FNIP2: variants seen among roughly 807,000 people sequenced by gnomAD.
FNIP2 encodes folliculin interacting protein 2.
In FNIP2, 32 loss-of-function variants were observed where a neutral mutation model predicts 108.7. The ratio of observed to expected loss-of-function variants is 0.29; its 90% CI spans 0.22 to 0.40. FNIP2 has a LOEUF of 0.40. FNIP2 is among the 10% of genes least tolerant of loss of function. The probability of loss-of-function intolerance (pLI) is 1.00; values close to 1 mark genes in which losing one functional copy is unlikely to be tolerated. For synonymous variants in FNIP2, 480 were observed against 496.7 expected (o/e 0.97, Z 0.45); for missense variants, 1,202 against 1,381.6 (o/e 0.87, Z 2.06).
At chr4:158,797,183 A>G (rs921905819) in intron 1 of FNIP2, among the ~76,000 whole-genome samples, 1 of 152,148 alleles carries the variant, frequency 6.6e-6, no homozygotes, top group African/African-American at 2.4e-5. Context: ...TGCATGAGAA[A>G]CCTTTAATTA....
chr4:158,806,252 G>GC, intron 1 of FNIP2: 1 of 1,289,370 alleles, frequency 7.8e-7, no homozygotes, highest in Non-Finnish European at 1.0e-6. Context: ...CAGGAGATGT[G>GC]CGGCGGCACA....
intron 7 of FNIP2, among the ~76,000 whole-genome samples, chr4:158,849,912 A>C (rs1214630050): frequency 6.6e-6 from 1 of 152,226 alleles, no homozygotes; most frequent in Non-Finnish European, 1.5e-5. Context: ...CCTACCAAAC[A>C]AATTTTCTGT....
At chr4:158,869,882 C>G (rs1780835988) in intron 13 of FNIP2, among the ~76,000 whole-genome samples, 1 of 152,232 alleles carries the variant, frequency 6.6e-6, no homozygotes, top group South Asian at 2.1e-4. Flanking sequence ...TTTCTTAACA[C>G]TCCATCAGGT....
chr4:158,836,562 G>A (rs976796679), intron 7 of FNIP2: 6 of 151,540 alleles, frequency 4.0e-5, no homozygotes, highest in African/African-American at 1.5e-4. Context: ...AGCACTTTGG[G>A]AAGCCAAAGC....
intron 14 of FNIP2, among the ~76,000 whole-genome samples, chr4:158,885,231 CA>C: frequency 6.6e-6 from 1 of 152,102 alleles, no homozygotes; most frequent in Non-Finnish European, 1.5e-5. Context: ...CCCCATGATC[CA>C]AACTCCTCCT....
chr4:158,811,549 T>TA (rs55896509), intron 1 of FNIP2, among the ~76,000 whole-genome samples: 1 of 151,288 alleles, frequency 6.6e-6, no homozygotes, highest in Non-Finnish European at 1.5e-5. Context: ...TTTTAAATAA[T>TA]ATTAATTAAT....
At chr4:158,889,806 T>G in intron 14 of FNIP2, 2 of 106,104 alleles carry the variant, frequency 1.9e-5, no homozygotes, top group Non-Finnish European at 3.6e-5. Flanking sequence ...TCAAATTTCC[T>G]TTTTTTTTTT....
intron 3 of FNIP2, among the ~76,000 whole-genome samples, chr4:158,829,620 A>G (rs1451435375): frequency 2.0e-5 from 3 of 152,182 alleles, no homozygotes; most frequent in Non-Finnish European, 4.4e-5. Flanking sequence ...AAAAGGAAGA[A>G]AGCCTTGTAT....
At chr4:158,831,826 A>G (rs1279747602) in intron 3 of FNIP2, 35 bp from the exon 4 acceptor site, 5 of 1,349,594 alleles carry the variant, frequency 3.7e-6, no homozygotes, top group Non-Finnish European at 4.2e-6. Context: ...GTCATGTTCC[A>G]TGTACTAACT....
chr4:158,841,008 C>T (rs1488467944), intron 7 of FNIP2, among the ~76,000 whole-genome samples: 1 of 152,090 alleles, frequency 6.6e-6, no homozygotes, highest in East Asian at 1.9e-4. Context: ...TCATAGTGTT[C>T]AAATAAGACA....
rs550907151 is a variant in FNIP2 at position 158,778,534 on chromosome 4, G to C, written c.107+9215G>C. On this transcript the variant is annotated intron_variant, in intron 1 of 16. Transcript: ENST00000264433. ...CTCACATCATCTCAAGGAGAAGGAGGGTGACTATAGTATGATGAGATATTT... is the reference window on the plus strand; with the variant it reads ...CTCACATCATCTCAAGGAGAAGGAGCGTGACTATAGTATGATGAGATATTT... Among the ~76,000 whole-genome samples, 12 of 152,220 alleles carry C rather than the reference G, an allele frequency of 7.9e-5. No individual in the cohort carries two copies. In the South Asian group the frequency reaches 2.5e-3, roughly 32 times the overall value.
intron 1 of FNIP2, among the ~76,000 whole-genome samples, chr4:158,813,234 TGTAAG>T (rs1777380036): frequency 6.6e-6 from 1 of 152,174 alleles, no homozygotes; most frequent in Admixed American, 6.5e-5. Context: ...TTTGCTGGAT[TGTAAG>T]GTAAGAGTAT....
chr4:158,901,587 C>T (rs1322489675), intron 16 of FNIP2, among the ~76,000 whole-genome samples: 1 of 152,110 alleles, frequency 6.6e-6, no homozygotes, highest in African/African-American at 2.4e-5. Context: ...GTGTGTTTTC[C>T]AACTTGGTTC....
At chr4:158,781,647 T>G (rs533551542) in intron 1 of FNIP2, among the ~76,000 whole-genome samples, 4 of 152,156 alleles carry the variant, frequency 2.6e-5, no homozygotes, top group Admixed American at 2.6e-4. Context: ...CCTGAGTAGC[T>G]GGGACTACAG....
chr4:158,891,343 G>A, intron 14 of FNIP2, 103 bp from the exon 15 acceptor site: 3 of 1,071,780 alleles, frequency 2.8e-6, no homozygotes, highest in Non-Finnish European at 4.0e-6. Flanking sequence ...TAACTGCCTG[G>A]CTGTCAAGAA....
intron 1 of FNIP2, among the ~76,000 whole-genome samples, chr4:158,799,692 C>G (rs540980103): frequency 6.6e-6 from 1 of 152,284 alleles, no homozygotes; most frequent in Admixed American, 6.5e-5. Context: ...CAAAGTTAAA[C>G]TTTAAAAGTT....
At chr4:158,782,527 T>G (rs1280480450) in intron 1 of FNIP2, among the ~76,000 whole-genome samples, 9 of 151,384 alleles carry the variant, frequency 5.9e-5, no homozygotes, top group Admixed American at 5.3e-4. Flanking sequence ...CTTTTTGTTT[T>G]TTTTTTTTCC....
At chr4:158,846,203 C>G (rs1050688639) in intron 7 of FNIP2, among the ~76,000 whole-genome samples, 7 of 152,054 alleles carry the variant, frequency 4.6e-5, no homozygotes, top group African/African-American at 1.7e-4. Context: ...TTTCTTTGAT[C>G]TGCAACCCAT....
Position 158,809,656 on chromosome 4 carries a change from C to T in FNIP2, c.108-16260C>T, listed in dbSNP as rs143596282. On this transcript the variant is annotated intron_variant, in intron 1 of 16. Coordinates refer to ENST00000264433, the MANE Select transcript of FNIP2 (RefSeq NM_020840.3). ...TATATGAGAAATCTGGGACTTGCCA[C>T]ACATATTTGTGAATCATTGTTGCTC... Among the ~76,000 whole-genome samples, 41 of 152,308 alleles carry T rather than the reference C, an allele frequency of 2.7e-4. No individual in the cohort carries two copies. In the East Asian group the frequency reaches 7.7e-3, roughly 29 times the overall value.
Sources: gnomAD v4.1 joint callset for allele counts (sites outside exome capture counted in the v4.1 genomes callset) on GRCh38, gnomAD v4.1.1 for gene constraint, MANE v1.5 for transcripts, NCBI Gene and HGNC (gene_info 2026-07-23, HGNC 2026-07-21) for gene names.